Variants in SRRM4 observed in about 807,000 individuals in gnomAD.
SRRM4 encodes the protein serine/arginine repetitive matrix 4, also known as serine/arginine repetitive matrix protein 4.
In SRRM4, 33 loss-of-function variants were observed where a neutral mutation model predicts 68.9. The ratio of observed to expected loss-of-function variants is 0.48; its 90% CI spans 0.36 to 0.64. The LOEUF (loss-of-function observed/expected upper bound fraction) is 0.64, where lower values mean the gene tolerates loss of function less well. SRRM4 is among the 30% of genes least tolerant of loss of function. SRRM4 has a pLI of 0.00. For missense variants in SRRM4, 817 were observed against 827.1 expected (o/e 0.99, Z 0.15); for synonymous variants, 318 against 318.8 (o/e 1.00, Z 0.03).
chr12:119,051,488 T>C (rs1382126910), intron 1 of SRRM4, among the ~76,000 whole-genome samples: 3 of 152,308 alleles, frequency 2.0e-5, no homozygotes, highest in Non-Finnish European at 4.4e-5. Context: ...GAAGATTTTT[T>C]CCAAATATTA....
chr12:118,999,403 G>A (rs1050943396), intron 1 of SRRM4, among the ~76,000 whole-genome samples: 2 of 152,162 alleles, frequency 1.3e-5, no homozygotes, highest in South Asian at 2.1e-4. Flanking sequence ...AGGGAGGGGC[G>A]GCCTCAGGGA....
intron 1 of SRRM4, among the ~76,000 whole-genome samples, chr12:119,083,731 G>A (rs1039480936): frequency 6.6e-6 from 1 of 152,168 alleles, no homozygotes; most frequent in African/African-American, 2.4e-5. Context: ...TTTGGAAAAT[G>A]GACTCAGAAC....
intron 1 of SRRM4, among the ~76,000 whole-genome samples, chr12:119,022,320 A>C (rs1953521284): frequency 6.6e-6 from 1 of 152,164 alleles, no homozygotes; most frequent in Admixed American, 6.5e-5. Context: ...TTTTGTCAAG[A>C]CCCACTCTGT....
chr12:119,015,788 C>T (rs1025120719), intron 1 of SRRM4, among the ~76,000 whole-genome samples: 1 of 152,128 alleles, frequency 6.6e-6, no homozygotes, highest in Admixed American at 6.5e-5. Flanking sequence ...AGTCCTCGCA[C>T]TTCACCCTGG....
intron 8 of SRRM4, among the ~76,000 whole-genome samples, chr12:119,137,587 GGAGAGAGA>G (rs55883419): frequency 0.099 from 11,785 of 119,056 alleles, 797 homozygotes; most frequent in East Asian, 0.12. Flanking sequence ...GGTTTGGAGT[GGAGAGAGA>G]GAGAGAGAGA....
rs114730694 is a variant in SRRM4, at chr12:118,988,889, G to A, written c.131+6876G>A. Among the ~76,000 whole-genome samples the A allele has an allele frequency of 1.1e-3, 173 of 152,290 alleles. 1 individual carries two copies. Among genetic ancestry groups the A allele is most frequent in the African/African-American group, 4.2e-3 (173 of 41,558 alleles). On this transcript the variant is annotated intron_variant, in intron 1 of 12. Coordinates refer to ENST00000267260, the MANE Select transcript of SRRM4 (RefSeq NM_194286.4). ...TTGGACAGCATGATCCCTGAGTGAA[G>A]GGAGAGGTGAGCTGTGAGGATAAGT...
At chr12:119,081,566 CT>C (rs1953947956) in intron 1 of SRRM4, among the ~76,000 whole-genome samples, 1 of 152,142 alleles carries the variant, frequency 6.6e-6, no homozygotes, top group Admixed American at 6.5e-5. Flanking sequence ...CTTGTAGTTA[CT>C]TTGGCTTTAG....
intron 1 of SRRM4, among the ~76,000 whole-genome samples, chr12:119,088,698 C>A (rs1000334405): frequency 1.3e-5 from 2 of 150,064 alleles, no homozygotes; most frequent in African/African-American, 2.5e-5. Flanking sequence ...AAGTGGGGGG[C>A]CACAAAAGGA....
chr12:119,119,106 ATTTTT>A (rs1186234048), intron 4 of SRRM4, among the ~76,000 whole-genome samples: 1 of 150,396 alleles, frequency 6.6e-6, no homozygotes, highest in African/African-American at 2.5e-5. Context: ...GTTTTTAAAA[ATTTTT>A]CATTTTTCTA....
chr12:119,016,231 T>G (rs1458389277), intron 1 of SRRM4, among the ~76,000 whole-genome samples: 1 of 152,062 alleles, frequency 6.6e-6, no homozygotes, highest in Non-Finnish European at 1.5e-5. Flanking sequence ...AACACCTTGA[T>G]TTTGGATTTC....
In SRRM4 at chr12:119,140,812, G is replaced by A. The variant is rs980528201; in HGVS notation, c.772-4569G>A. 3.9e-5 allele frequency among the ~76,000 whole-genome samples: 6 copies of A among 152,316 alleles called. 1 individual carries two copies. In the South Asian group the frequency reaches 1.2e-3, roughly 32 times the overall value. On this transcript the variant is annotated intron_variant, in intron 8 of 12. Coordinates refer to ENST00000267260, the MANE Select transcript of SRRM4 (RefSeq NM_194286.4). ...TCTCCCAGGGTCCTCGGTCTGAGGG[G>A]TATCAGGGGGAATGAGAGAAAGAAC...
At chr12:119,093,250 G>A (rs879735927) in intron 1 of SRRM4, among the ~76,000 whole-genome samples, 8 of 152,284 alleles carry the variant, frequency 5.3e-5, no homozygotes, top group Admixed American at 2.6e-4. Context: ...CACCAAGCAA[G>A]GTTTTTTTCT....
intron 1 of SRRM4, among the ~76,000 whole-genome samples, chr12:119,024,113 CT>C (rs1202520902): frequency 6.6e-6 from 1 of 152,154 alleles, no homozygotes; most frequent in African/African-American, 2.4e-5. Context: ...GACTGTTTGA[CT>C]TTCTCTCTTG....
chr12:119,069,626 AT>A (rs1180091526), intron 1 of SRRM4: 1 of 152,168 alleles, frequency 6.6e-6, no homozygotes, highest in Non-Finnish European at 1.5e-5. Context: ...TGTGTGAGAA[AT>A]TCCTGGAGCA....
At chr12:119,044,858 A>G (rs955616271) in intron 1 of SRRM4, among the ~76,000 whole-genome samples, 4 of 152,176 alleles carry the variant, frequency 2.6e-5, no homozygotes, top group African/African-American at 9.6e-5. Context: ...GAGAAGGGCA[A>G]TGGGGGCATA....
chr12:119,027,056 C>T (rs1244577325), intron 1 of SRRM4, among the ~76,000 whole-genome samples: 1 of 152,168 alleles, frequency 6.6e-6, no homozygotes, highest in Non-Finnish European at 1.5e-5. Flanking sequence ...CCTCTGGACG[C>T]TGATGTCTGG....
Position 119,125,374 on chromosome 12 carries a change from C to T in SRRM4, c.516-7C>T, listed in dbSNP as rs1272317822. 3 of 1,612,006 alleles carry T rather than the reference C, an allele frequency of 1.9e-6. No homozygotes were observed. Among genetic ancestry groups the T allele is most frequent in the African/African-American group, 1.3e-5 (1 of 74,958 alleles). On this transcript the variant is annotated splice_region_variant and splice_polypyrimidine_tract_variant and intron_variant, in intron 6 of 12. Coordinates refer to ENST00000267260, the MANE Select transcript of SRRM4 (RefSeq NM_194286.4). ...TCCTCTGACTCGTTCCTTCTCATCC[C>T]CCCAAGATCTCGAAGCCGGCCCCGA...
At chr12:119,064,664 T>G (rs990464334) in intron 1 of SRRM4, among the ~76,000 whole-genome samples, 2 of 152,198 alleles carry the variant, frequency 1.3e-5, no homozygotes, top group African/African-American at 4.8e-5. Context: ...CCTTGCTTAT[T>G]TAAAGCTTAG....
At chr12:119,004,506 G>C (rs1953404179) in intron 1 of SRRM4, among the ~76,000 whole-genome samples, 1 of 151,974 alleles carries the variant, frequency 6.6e-6, no homozygotes, top group South Asian at 2.1e-4. Context: ...AGGAGGCCTA[G>C]TTTTGTTCAG....
Sources: gnomAD v4.1 joint callset for allele counts (sites outside exome capture counted in the v4.1 genomes callset) on GRCh38, gnomAD v4.1.1 for gene constraint, MANE v1.5 for transcripts, NCBI Gene and HGNC (gene_info 2026-07-23, HGNC 2026-07-21) for gene names.